The following GOSR2 variants were observed in gnomAD, a reference collection of about 807,000 sequenced individuals.
GOSR2 encodes the protein golgi SNAP receptor complex member 2.
Under a neutral mutation model 27.9 loss-of-function variants are expected in GOSR2, and 20 were observed. The observed-to-expected ratio is 0.72, with a 90% CI of 0.50 to 1.04. GOSR2 has a LOEUF of 1.04. Among genes scored for constraint, GOSR2 ranks in the 50% least tolerant of loss-of-function variants. GOSR2 has a pLI of 0.00. For synonymous variants in GOSR2, 91 were observed against 98.8 expected (o/e 0.92, Z 0.47); for missense variants, 261 against 270.5 (o/e 0.97, Z 0.25).
chr17:46,925,309 A>G lies in GOSR2; in HGVS notation c.29+2088A>G, dbSNP rs141085042. Among the ~76,000 whole-genome samples the G allele has an allele frequency of 3.9e-5, 6 of 152,364 alleles. No individual in the cohort carries two copies. The East Asian group carries it at 1.2e-3, about 29-fold the overall frequency. On this transcript the variant is annotated intron_variant, in intron 1 of 5. Coordinates refer to ENST00000640051, the MANE Select transcript of GOSR2 (RefSeq NM_004287.5). ...AGCAGTGGGCCAGCTTTGCCCCACA[A>G]CTATTAGGCCCTCTGCTACCCCGAC...
intron 6 of GOSR2, among the ~76,000 whole-genome samples, chr17:46,955,139 A>G (rs1464099980): frequency 6.6e-6 from 1 of 151,844 alleles, no homozygotes; most frequent in Non-Finnish European, 1.5e-5. Context: ...TCAGTATGAT[A>G]TTGGCTGTGG....
chr17:46,951,889 C>T (rs1357326380), intron 6 of GOSR2, among the ~76,000 whole-genome samples: 1 of 152,056 alleles, frequency 6.6e-6, no homozygotes, highest in Non-Finnish European at 1.5e-5. Context: ...CTCGCTGCTT[C>T]TCCCCCCCAG....
At chr17:46,952,040 G>T (rs192284406) in intron 6 of GOSR2, among the ~76,000 whole-genome samples, 1 of 152,184 alleles carries the variant, frequency 6.6e-6, no homozygotes, top group Non-Finnish European at 1.5e-5. Context: ...ATCAGGGAGA[G>T]GGGGAGATTC....
In GOSR2 at chr17:46,939,205, T is replaced by C. The variant is rs201923580; in HGVS notation, c.*445T>C. On this transcript the variant is annotated 3_prime_UTR_variant, in exon 6 of 6. Transcript: ENST00000640051. The stretch of plus-strand genomic sequence containing the variant: ...GAAAGGAAAGGAAAGAGGCCTTTTC[T>C]CACAGCCATTATATTAAATAGTAGG... The C allele has an allele frequency of 9.3e-7, 1 of 1,079,008 alleles. No individual in the cohort carries two copies. The highest frequency in any genetic ancestry group is 1.6e-5 in the African/African-American group (1 of 61,542). The allele number at this position is 1,079,008 out of a possible 1,614,324, so 66.8% of individuals were successfully genotyped here. A position where few individuals can be genotyped will look rare whatever the true frequency, so the allele number is the denominator to read the frequency against.
chr17:46,953,949 G>A (rs1441545497), intron 6 of GOSR2, among the ~76,000 whole-genome samples: 1 of 152,152 alleles, frequency 6.6e-6, no homozygotes. Context: ...TTTGTCAGAT[G>A]AGTAGATTGC....
chr17:46,932,318 C>G (rs1392042128), intron 4 of GOSR2, 119 bp downstream of exon 4: 1 of 1,176,970 alleles, frequency 8.5e-7, no homozygotes, highest in South Asian at 1.2e-5. Context: ...ATGAGGAAAC[C>G]AACTGGAAAT....
At position 46,940,097 on chromosome 17, in the gene GOSR2, CCTTT is replaced by C; in HGVS notation, c.*1340_*1343del. 8.7e-7 allele frequency: 1 copy of C among 1,151,184 alleles called. No homozygotes were observed. Among genetic ancestry groups the C allele is most frequent in the Non-Finnish European group, 1.1e-6 (1 of 932,670 alleles). 71.3% of individuals were successfully genotyped at this position (1,151,184 alleles called of 1,614,324 possible). On this transcript the variant is annotated 3_prime_UTR_variant, in exon 6 of 6. Transcript: ENST00000640051. The stretch of plus-strand genomic sequence containing the variant: ...AACTGTCTTCTGTCTTATTTCCCTT[CCTTT>C]CTGTGTTCCTCTTCACCTCTCTTGT...
At chr17:46,972,418 G>A (rs1955101142) in intron 6 of GOSR2, among the ~76,000 whole-genome samples, 2 of 152,214 alleles carry the variant, frequency 1.3e-5, no homozygotes, top group African/African-American at 4.8e-5. Context: ...GGAGAACCTG[G>A]GACAGGAAAG....
chr17:46,932,029 A>T (rs1304018944), intron 3 of GOSR2, 38 bp from the exon 4 acceptor site: 1 of 1,607,050 alleles, frequency 6.2e-7, no homozygotes, highest in African/African-American at 1.3e-5. Flanking sequence ...TGCTGCCCTG[A>T]GTTCCTGGAA....
Position 46,957,258 on chromosome 17 carries a change from T to TTC in GOSR2, c.584-9275_584-9274insCT, listed in dbSNP as rs1261660996. The stretch of plus-strand genomic sequence containing the variant: ...AGGTGGAGGTTGCAGTGAGCTGAGT[T>TTC]TACATCACTGTACACCAGCCTGGGC... On this transcript the variant is annotated intron_variant, in intron 6 of 6. Coordinates refer to the GOSR2 transcript ENST00000573224. 4.6e-5 allele frequency among the ~76,000 whole-genome samples: 7 copies of TTC among 151,872 alleles called. No individual in the cohort carries two copies. The East Asian group carries it at 1.4e-3, about 29-fold the overall frequency.
intron 6 of GOSR2, among the ~76,000 whole-genome samples, chr17:46,947,261 C>G (rs1220419907): frequency 6.6e-6 from 1 of 152,168 alleles, no homozygotes; most frequent in South Asian, 2.1e-4. Context: ...GCAGCCTCCT[C>G]TTTGGTGTAT....
At chr17:46,935,597 G>A in intron 5 of GOSR2, 1 of 1,068,790 alleles carries the variant, frequency 9.4e-7, no homozygotes, top group Non-Finnish European at 1.1e-6. Flanking sequence ...AAAACCTTTT[G>A]TATTTTAGTA....
At chr17:46,973,461 CCTCTGTTG>C in intron 6 of GOSR2, among the ~76,000 whole-genome samples, 1 of 152,230 alleles carries the variant, frequency 6.6e-6, no homozygotes, top group South Asian at 2.1e-4. Flanking sequence ...CCACACCTAG[CCTCTGTTG>C]CTTCGTTGTT....
Position 46,939,181 on chromosome 17 carries a change from A to G in GOSR2, c.*421A>G. The G allele has an allele frequency of 9.2e-7, 1 of 1,086,540 alleles. No individual in the cohort carries two copies. Among genetic ancestry groups the G allele is most frequent in the South Asian group, 2.8e-5 (1 of 36,090 alleles). The allele number at this position is 1,086,540 out of a possible 1,614,324, so 67.3% of individuals were successfully genotyped here. On this transcript the variant is annotated 3_prime_UTR_variant, in exon 6 of 6. Coordinates refer to ENST00000640051, the MANE Select transcript of GOSR2 (RefSeq NM_004287.5). ...TCCTGATAGGGTGGAGCAAAAGTGGAAAGGAAAGGAAAGAGGCCTTTTCTC... is the reference window on the plus strand; with the variant it reads ...TCCTGATAGGGTGGAGCAAAAGTGGGAAGGAAAGGAAAGAGGCCTTTTCTC...
intron 6 of GOSR2, among the ~76,000 whole-genome samples, chr17:46,961,538 TAAAAA>T (rs918827260): frequency 6.6e-6 from 1 of 151,914 alleles, no homozygotes; most frequent in Non-Finnish European, 1.5e-5. Flanking sequence ...CTGCCTCTGT[TAAAAA>T]AAGAAGCAAA....
chr17:46,974,982 ATTTTCTTTTT>A (rs775380957), intron 6 of GOSR2, among the ~76,000 whole-genome samples: 3 of 69,812 alleles, frequency 4.3e-5, no homozygotes, highest in East Asian at 5.0e-4. Flanking sequence ...ATGAATTACT[ATTTTCTTTTT>A]TTTTTTTTTT....
chr17:46,935,496 C>T lies in GOSR2; in HGVS notation c.477+327C>T, dbSNP rs933848252. 7 of 1,339,820 alleles carry T rather than the reference C, an allele frequency of 5.2e-6. No individual in the cohort carries two copies. In the African/African-American group the frequency reaches 1.0e-4, roughly 20 times the overall value. 83.0% of individuals were successfully genotyped at this position (1,339,820 alleles called of 1,614,324 possible). A position where few individuals can be genotyped will look rare whatever the true frequency, so the allele number is the denominator to read the frequency against. On this transcript the variant is annotated intron_variant, in intron 5 of 5. Coordinates refer to ENST00000640051, the MANE Select transcript of GOSR2 (RefSeq NM_004287.5). ...CTGAGAAATTGTGTTACAGAATCTA[C>T]TCTTGGAAGAATGAAGACGTGGCTG...
chr17:46,958,124 T>A (rs1168337217), intron 6 of GOSR2, among the ~76,000 whole-genome samples: 2 of 152,174 alleles, frequency 1.3e-5, no homozygotes, highest in African/African-American at 4.8e-5. Context: ...CAGGACTTTC[T>A]TTCCATTGGC....
chr17:46,948,328 T>C (rs2090074760), intron 6 of GOSR2, among the ~76,000 whole-genome samples: 2 of 152,236 alleles, frequency 1.3e-5, no homozygotes, highest in African/African-American at 4.8e-5. Flanking sequence ...GGTTTTGTTG[T>C]GGTTGTTCAC....
Sources: gnomAD v4.1 joint callset for allele counts (sites outside exome capture counted in the v4.1 genomes callset) on GRCh38, gnomAD v4.1.1 for gene constraint, MANE v1.5 for transcripts, NCBI Gene and HGNC (gene_info 2026-07-23, HGNC 2026-07-21) for gene names.